Variants in BMP3 observed in about 807,000 individuals in gnomAD.
The protein encoded by BMP3 is bone morphogenetic protein 3.
BMP3 carries 23 observed loss-of-function variants against 38.1 expected under a neutral mutation model. That is an observed-to-expected ratio of 0.60 (90% CI 0.43 to 0.86). The LOEUF (loss-of-function observed/expected upper bound fraction) is 0.86, where lower values mean the gene tolerates loss of function less well. Among genes scored for constraint, BMP3 ranks in the 40% least tolerant of loss-of-function variants. The pLI, the probability that BMP3 is intolerant of heterozygous loss-of-function variation, is 0.00. For missense variants in BMP3, 628 were observed against 579.6 expected (o/e 1.08, Z -0.86); for synonymous variants, 258 against 225.7 (o/e 1.14, Z -1.28).
rs78629796 is a variant in BMP3 at position 81,054,355 on chromosome 4, T to C, written c.*819T>C. The C allele has an allele frequency of 2.6e-3, 400 of 152,656 alleles. 2 individuals carry two copies. Among genetic ancestry groups the C allele is most frequent in the Middle Eastern group, 0.01 (3 of 294 alleles). The allele number at this position is 152,656 out of a possible 1,614,324, so 9.5% of individuals were successfully genotyped here. ...CTACCAGAAAAAGGAATCAGAAACC[T>C]AGTTTTTGAAAACACAAGTGTAATT... is the stretch of plus-strand genomic sequence containing the variant. On this transcript the variant is annotated 3_prime_UTR_variant, in exon 3 of 3. Coordinates refer to ENST00000282701, the MANE Select transcript of BMP3 (RefSeq NM_001201.5).
rs1175799668 is a variant in BMP3, at chr4:81,053,602, T to G, written c.*66T>G. 19 of 140,802 alleles carry G rather than the reference T, an allele frequency of 1.3e-4. No individual in the cohort carries two copies. In the East Asian group the frequency reaches 3.5e-3, roughly 26 times the overall value. 8.7% of individuals were successfully genotyped at this position (140,802 alleles called of 1,614,324 possible). A position where few individuals can be genotyped will look rare whatever the true frequency, so the allele number is the denominator to read the frequency against. ...GTTTATTTTTATGGACTTCTTCCTG[T>G]TTTTTTTTTTTTTTTTTTTGCACTG... is the stretch of plus-strand genomic sequence containing the variant. On this transcript the variant is annotated 3_prime_UTR_variant, in exon 3 of 3. Coordinates refer to ENST00000282701, the MANE Select transcript of BMP3 (RefSeq NM_001201.5).
intron 1 of BMP3, among the ~76,000 whole-genome samples, chr4:81,034,174 T>G (rs1373560512): frequency 6.6e-6 from 1 of 152,206 alleles, no homozygotes; most frequent in Non-Finnish European, 1.5e-5. Context: ...ATACACTTTC[T>G]GCTAAACCCT....
At chr4:81,051,191 G>A (rs1740392580) in intron 2 of BMP3, among the ~76,000 whole-genome samples, 1 of 152,000 alleles carries the variant, frequency 6.6e-6, no homozygotes, top group South Asian at 2.1e-4. Context: ...AAAAGGACAG[G>A]AATTTTCCTA....
chr4:81,036,848 C>T (rs527479449), intron 1 of BMP3, among the ~76,000 whole-genome samples: 1 of 152,054 alleles, frequency 6.6e-6, no homozygotes, highest in East Asian at 1.9e-4. Context: ...ATGGCATATA[C>T]AGCAGTACTC....
At position 81,045,829 on chromosome 4, in the gene BMP3, T is replaced by G; in HGVS notation, c.408T>G (p.Ile136Met). 6.2e-7 allele frequency: 1 copy of G among 1,614,132 alleles called. No homozygotes were observed. ...NILSATLYFC[I>M]GELGNISLSC... ...TGTCTGCCACACTGTATTTCTGTAT[T>G]GGAGAGCTAGGAAACATCAGCCTGA... Residue 136 changes from isoleucine (I) to methionine (M), a missense_variant, in exon 2 of 3, where the codon ATT becomes ATG. Ile to Met is a conservative substitution (Grantham distance 10). Transcript: ENST00000282701.
At position 81,056,318 on chromosome 4, in the gene BMP3, G is replaced by A. The variant is rs956853491; in HGVS notation, c.*2782G>A. 1 of 140,166 alleles carries A rather than the reference G, an allele frequency of 7.1e-6. No individual in the cohort carries two copies. Among genetic ancestry groups the A allele is most frequent in the East Asian group, 2.0e-4 (1 of 4,926 alleles). 8.7% of individuals were successfully genotyped at this position (140,166 alleles called of 1,614,324 possible). On this transcript the variant is annotated 3_prime_UTR_variant, in exon 3 of 3. Coordinates refer to ENST00000282701, the MANE Select transcript of BMP3 (RefSeq NM_001201.5). ...GTGCACACACACACACACACAGTCA[G>A]TTACTGAAAAAAATAATTCTTTTTC... is the stretch of plus-strand genomic sequence containing the variant.
At position 81,051,156 on chromosome 4, in the gene BMP3, T is replaced by C. The variant is rs773181976; in HGVS notation, c.1228-2189T>C. ...CATATACTCATAGTTTCTGAATCTA[T>C]CATTTGTTACTTGAAGCTGTAAAAA... On this transcript the variant is annotated intron_variant, in intron 2 of 2. Transcript: ENST00000282701. Among the ~76,000 whole-genome samples, 92 of 152,154 alleles carry C rather than the reference T, an allele frequency of 6.0e-4. 1 individual carries two copies. The highest frequency in any genetic ancestry group is 2.5e-4 in the Non-Finnish European group (17 of 68,022).
In BMP3 at chr4:81,031,545, C is replaced by A; in HGVS notation, c.261C>A (p.Arg87=). The A allele has an allele frequency of 6.2e-7, 1 of 1,611,026 alleles. No homozygotes were observed. Among genetic ancestry groups the A allele is most frequent in the Non-Finnish European group, 8.5e-7 (1 of 1,179,074 alleles). The change falls in exon 1 of 3, where the codon CGC becomes CGA. Residue 87 remains arginine, a synonymous_variant. Coordinates refer to ENST00000282701, the MANE Select transcript of BMP3 (RefSeq NM_001201.5). ...TGGAGGGAGGCTCGCAGCCCTGGCG[C>A]CCTCGGCTCCTGCGCGAAGGCAACA... ...GSLEGGSQPW[R]PRLLREGNTV... is the part of the protein sequence containing the mutation.
At position 81,046,389 on chromosome 4, in the gene BMP3, C is replaced by A; in HGVS notation, c.968C>A (p.Thr323Asn). Reference sequence around the variant, plus strand: ...TGGGAGGAGAGAAAGCCTTACAAGACCCTTCAGGCTCAGGCCCCTGAAAAG... The same window carrying A: ...TGGGAGGAGAGAAAGCCTTACAAGAACCTTCAGGCTCAGGCCCCTGAAAAG... ...EVWEERKPYK[T>N]LQAQAPEKSK... The change falls in exon 2 of 3, where the codon ACC (threonine) becomes AAC (asparagine). Residue 323 changes from threonine (T) to asparagine (N), a missense_variant. Coordinates refer to ENST00000282701, the MANE Select transcript of BMP3 (RefSeq NM_001201.5). 1 of 1,613,924 alleles carries A rather than the reference C, an allele frequency of 6.2e-7. No homozygotes were observed. The highest frequency in any genetic ancestry group is 2.2e-5 in the East Asian group (1 of 44,870).
intron 1 of BMP3, among the ~76,000 whole-genome samples, chr4:81,033,807 T>A (rs1470251295): frequency 6.6e-6 from 1 of 152,220 alleles, no homozygotes; most frequent in Non-Finnish European, 1.5e-5. Flanking sequence ...CCTTGTGACA[T>A]ATGTTCCCTT....
At chr4:81,042,677 A>C (rs1740111781) in intron 1 of BMP3, among the ~76,000 whole-genome samples, 1 of 152,220 alleles carries the variant, frequency 6.6e-6, no homozygotes, top group Non-Finnish European at 1.5e-5. Flanking sequence ...TTGAAGCAAA[A>C]TGTGGGGCAA....
intron 1 of BMP3, among the ~76,000 whole-genome samples, chr4:81,041,915 C>T (rs951153723): frequency 1.3e-5 from 2 of 152,010 alleles, no homozygotes; most frequent in Admixed American, 1.3e-4. Flanking sequence ...CTAACACCTT[C>T]GGCAGCTTGT....
chr4:81,049,178 C>A (rs191021191), intron 2 of BMP3, among the ~76,000 whole-genome samples: 1 of 152,206 alleles, frequency 6.6e-6, no homozygotes, highest in East Asian at 1.9e-4. Context: ...TTATTATTCA[C>A]GGCCATTTCT....
chr4:81,032,863 ATT>A (rs1739816771), intron 1 of BMP3, among the ~76,000 whole-genome samples: 1 of 152,200 alleles, frequency 6.6e-6, no homozygotes, highest in South Asian at 2.1e-4. Context: ...ACTGAACCAG[ATT>A]TTACTTTCTT....
intron 2 of BMP3, among the ~76,000 whole-genome samples, chr4:81,047,524 G>A (rs6842249): frequency 0.017 from 2,317 of 138,234 alleles, 50 homozygotes; most frequent in African/African-American, 0.058. Flanking sequence ...TTCTCAGCTT[G>A]TAGCAGTTTA....
In BMP3 at chr4:81,031,031, A is replaced by G; in HGVS notation, c.-254A>G. 2.0e-6 allele frequency: 1 copy of G among 497,968 alleles called. No individual in the cohort carries two copies. Among genetic ancestry groups the G allele is most frequent in the Non-Finnish European group, 3.5e-6 (1 of 285,700 alleles). 30.8% of individuals were successfully genotyped at this position (497,968 alleles called of 1,614,324 possible). A position where few individuals can be genotyped will look rare whatever the true frequency, so the allele number is the denominator to read the frequency against. On this transcript the variant is annotated 5_prime_UTR_variant, in exon 1 of 3. Transcript: ENST00000282701. ...GCTCTTTCTCAGCGTTGGAGTGGAGACGGCGCCCGCAGCGCCCTGCGCGGG... is the reference window on the plus strand; with the variant it reads ...GCTCTTTCTCAGCGTTGGAGTGGAGGCGGCGCCCGCAGCGCCCTGCGCGGG...
intron 1 of BMP3, among the ~76,000 whole-genome samples, chr4:81,033,914 C>A (rs17005027): frequency 0.013 from 2,039 of 152,234 alleles, 38 homozygotes; most frequent in African/African-American, 0.046. Context: ...GTACTGAAGA[C>A]GTTAGAAATT....
rs5859748 is a variant in BMP3, at chr4:81,032,194, C to CAAAAAAAAAAAAAAAAAAAA, written c.316+601_316+620dup. ...ACTTTACTTGATAGTTCCTTAGTGG[C>CAAAAAAAAAAAAAAAAAAAA]AAAAAAAAAAAAAAAAAAAAAAAAA... On this transcript the variant is annotated intron_variant, in intron 1 of 2. Transcript: ENST00000282701. Among the ~76,000 whole-genome samples the CAAAAAAAAAAAAAAAAAAAA allele has an allele frequency of 2.4e-4, 18 of 74,042 alleles. 1 individual carries two copies. The highest frequency in any genetic ancestry group is 8.2e-4 in the African/African-American group (17 of 20,700). 48.6% of individuals were successfully genotyped at this position (74,042 alleles called of 152,430 possible).
chr4:81,040,431 A>G (rs1740038924), intron 1 of BMP3, among the ~76,000 whole-genome samples: 1 of 152,070 alleles, frequency 6.6e-6, no homozygotes, highest in Admixed American at 6.6e-5. Flanking sequence ...GATGGATCTC[A>G]CTAAGTAAAA....
Sources: gnomAD v4.1 joint callset for allele counts (sites outside exome capture counted in the v4.1 genomes callset) on GRCh38, gnomAD v4.1.1 for gene constraint, MANE v1.5 for transcripts, NCBI Gene and HGNC (gene_info 2026-07-23, HGNC 2026-07-21) for gene names.